The following SCNN1D variants were observed in gnomAD, a reference collection of about 807,000 sequenced individuals.
SCNN1D encodes epithelial sodium channel subunit delta.
Under a neutral mutation model 87.8 loss-of-function variants are expected in SCNN1D, and 104 were observed. That is an observed-to-expected ratio of 1.18 (90% confidence interval 1.01 to 1.39). SCNN1D has a LOEUF of 1.39. Among genes scored for constraint, SCNN1D ranks in the 40% most tolerant of loss-of-function variants. The probability of loss-of-function intolerance (pLI) is 0.00; values close to 1 mark genes in which losing one functional copy is unlikely to be tolerated. For missense variants in SCNN1D, 1,324 were observed against 1,093.9 expected (o/e 1.21, Z -2.97); for synonymous variants, 628 against 481.2 (o/e 1.31, Z -3.99).
At chr1:1,287,371 C>A in intron 9 of SCNN1D, 72 bp downstream of exon 9, 1 of 1,495,810 alleles carries the variant, frequency 6.7e-7, no homozygotes. Context: ...TGGGGTCCCT[C>A]TGGCTGTATG....
chr1:1,285,553 G>T lies in SCNN1D; in HGVS notation c.465-18G>T, dbSNP rs781255209. 5 of 1,494,708 alleles carry T rather than the reference G, an allele frequency of 3.3e-6. No homozygotes were observed. The Admixed American group carries it at 7.0e-5, about 21-fold the overall frequency. 92.6% of individuals were successfully genotyped at this position (1,494,708 alleles called of 1,614,324 possible). On this transcript the variant is annotated intron_variant, in intron 5 of 17. Transcript: ENST00000379116. The stretch of plus-strand genomic sequence containing the variant: ...ACGCGGGGCGCATGGACACGCTACC[G>T]TACTTGCCTTTGGGTAGATCGCCTG...
In SCNN1D at chr1:1,286,119, C is replaced by T. The variant is rs761293648; in HGVS notation, c.752C>T (p.Ser251Phe). ...CSRGNRLKTTSWGLLSLGALV... is the reference protein window; with the variant it reads ...CSRGNRLKTTFWGLLSLGALV... Reference sequence around the variant, plus strand: ...CGCGGGAACCGCCTCAAGACGACGTCCTGGGGGCTGCTGTCCCTGGGAGCC... The same window carrying T: ...CGCGGGAACCGCCTCAAGACGACGTTCTGGGGGCTGCTGTCCCTGGGAGCC... Residue 251 changes from serine (S) to phenylalanine (F), a missense_variant, in exon 7 of 18, where the codon TCC (serine) becomes TTC (phenylalanine). By Grantham distance (155) the Ser-to-Phe change is radical. Transcript: ENST00000379116. 6 of 1,610,706 alleles carry T rather than the reference C, an allele frequency of 3.7e-6. No individual in the cohort carries two copies. The highest frequency in any genetic ancestry group is 2.2e-5 in the East Asian group (1 of 44,830).
Position 1,282,329 on chromosome 1 carries a change from C to A in SCNN1D, c.351+14C>A, listed in dbSNP as rs1003573735. ...CAGAGCCGGCAGGCAGGTGACCTCA[C>A]CCTCCTCAGAGCCATGGCTCTGCTG... On this transcript the variant is annotated intron_variant, in intron 4 of 17. Transcript: ENST00000379116. The A allele has an allele frequency of 6.5e-7, 1 of 1,549,948 alleles. No individual in the cohort carries two copies.
intron 4 of SCNN1D, among the ~76,000 whole-genome samples, chr1:1,283,192 C>G (rs1237077272): frequency 6.6e-6 from 1 of 152,192 alleles, no homozygotes; most frequent in Non-Finnish European, 1.5e-5. Context: ...GGGCGAGCCC[C>G]TGTGCCTACT....
In SCNN1D at chr1:1,291,499, G is replaced by A. The variant is rs374792621; in HGVS notation, c.2298G>A (p.Pro766=). 247 of 1,609,068 alleles carry A rather than the reference G, an allele frequency of 1.5e-4. No individual in the cohort carries two copies. The highest frequency in any genetic ancestry group is 9.9e-4 in the Middle Eastern group (6 of 6,046). Residue 766 remains proline (P), a synonymous_variant, in exon 18 of 18, where the codon CCG becomes CCA. Transcript: ENST00000379116. ...CTGCAGGCGGCACGTCAGATGACCC[G>A]GAGCCCAGCGGGCCTCATCTCCCAC... ...PPPAGGTSDD[P]EPSGPHLPRV...
chr1:1,290,378 C>A lies in SCNN1D; in HGVS notation c.1770C>A (p.His590Gln). ...CTGAGTACTGCAGCTCTGCCCGGCA[C>A]CCTGCCTGGGGTGAGTCCTGCTCGC... ...AGAEYCSSAR[H>Q]PAWGHCFYRL... Residue 590 changes from histidine (H) to glutamine (Q), a missense_variant, in exon 13 of 18, where the codon CAC becomes CAA. Transcript: ENST00000379116. 1 of 1,602,362 alleles carries A rather than the reference C, an allele frequency of 6.2e-7. No individual in the cohort carries two copies. Among genetic ancestry groups the A allele is most frequent in the Non-Finnish European group, 8.5e-7 (1 of 1,173,268 alleles).
intron 2 of SCNN1D, 28 bp from the exon 3 acceptor site, chr1:1,281,383 A>G (rs1640467601): frequency 3.9e-6 from 6 of 1,528,992 alleles, no homozygotes; most frequent in Non-Finnish European, 4.4e-6. Flanking sequence ...GGAGCCAGGG[A>G]TGCCTGCCCG....
chr1:1,281,290 C>T lies in SCNN1D; in HGVS notation c.70C>T (p.Pro24Ser), dbSNP rs1271337962. The T allele has an allele frequency of 2.6e-6, 4 of 1,535,784 alleles. No individual in the cohort carries two copies. The East Asian group carries it at 7.3e-5, about 28-fold the overall frequency. Residue 24 changes from proline to serine, a missense_variant, in exon 2 of 18, where the codon CCA (proline) becomes TCA (serine). Physicochemically the swap from Pro to Ser is moderately conservative, Grantham distance 74. Coordinates refer to ENST00000379116, the MANE Select transcript of SCNN1D (RefSeq NM_001130413.4). ...CCTGTGGCCCGGCCACCTCAGCGGC[C>T]CAAGGAGGTGAGCTCACAGCCATGC... ...RYLWPGHLSG[P>S]RRLTWSWCSD...
At chr1:1,285,840 C>T in intron 6 of SCNN1D, 86 bp from the exon 7 acceptor site, 1 of 1,377,996 alleles carries the variant, frequency 7.3e-7, no homozygotes, top group Non-Finnish European at 9.8e-7. Context: ...GGGCGGGGCA[C>T]TGGTGGCTGA....
intron 4 of SCNN1D, 50 bp from the exon 5 acceptor site, chr1:1,283,928 C>T (rs1383297219): frequency 1.7e-6 from 2 of 1,153,136 alleles, no homozygotes; most frequent in Non-Finnish European, 2.3e-6. Context: ...TGGCTGGGTC[C>T]TCCCTCGCCT....
chr1:1,290,860 G>T, intron 15 of SCNN1D, 35 bp from the exon 16 acceptor site: 3 of 1,606,088 alleles, frequency 1.9e-6, no homozygotes, highest in African/African-American at 1.3e-5. Flanking sequence ...GGGGGCATGG[G>T]GGAGCCGTGG....
rs757615020 is a variant in SCNN1D, at chr1:1,285,951, C to A, written c.584C>A (p.Pro195Gln). 6.4e-7 allele frequency: 1 copy of A among 1,555,874 alleles called. No individual in the cohort carries two copies. The highest frequency in any genetic ancestry group is 8.7e-7 in the Non-Finnish European group (1 of 1,148,244). Residue 195 changes from proline to glutamine, a missense_variant, in exon 7 of 18, where the codon CCG becomes CAG. Physicochemically the swap from Pro to Gln is moderately conservative, Grantham distance 76 (BLOSUM62 -1). Coordinates refer to ENST00000379116, the MANE Select transcript of SCNN1D (RefSeq NM_001130413.4). ...GCTGCAGCCCAGACGCCCCCCAGGC[C>A]GGGGCCACCATCAGCACCACCACCA... ...GQAAAQTPPR[P>Q]GPPSAPPPPP...
chr1:1,281,352 A>G (rs1380095212), intron 2 of SCNN1D, 55 bp downstream of exon 2: 11 of 1,534,366 alleles, frequency 7.2e-6, no homozygotes, highest in Non-Finnish European at 9.6e-6. Context: ...CCTGGGAGAG[A>G]GCAGAGGCAT....
Position 1,291,268 on chromosome 1 carries a change from C to A in SCNN1D, c.2067C>A (p.Leu689=). 6.4e-7 allele frequency: 1 copy of A among 1,561,852 alleles called. No individual in the cohort carries two copies. The highest frequency in any genetic ancestry group is 2.3e-5 in the East Asian group (1 of 43,424). The change falls in exon 18 of 18, where the codon CTC becomes CTA. Residue 689 remains leucine, a synonymous_variant. Coordinates refer to ENST00000379116, the MANE Select transcript of SCNN1D (RefSeq NM_001130413.4). The part of the protein sequence containing the change: ...EAPVYSVPQL[L]SAMGSLCSLW... ...CCCACCCGCAGGTGCCGCAGCTGCT[C>A]TCGGCCATGGGCAGCCTCTGCAGCC...
Position 1,290,703 on chromosome 1 carries a change from C to T in SCNN1D, c.1917+9C>T, listed in dbSNP as rs373067473. The T allele has an allele frequency of 3.7e-6, 6 of 1,612,556 alleles. No individual in the cohort carries two copies. Among genetic ancestry groups the T allele is most frequent in the East Asian group, 2.2e-5 (1 of 44,878 alleles). Reference sequence around the variant, plus strand: ...CTTCCGCCAAGTCAGCTGTGAGTCCCCAAAGTGGTGGGGTGGGGGTGTGGA... The same window carrying T: ...CTTCCGCCAAGTCAGCTGTGAGTCCTCAAAGTGGTGGGGTGGGGGTGTGGA... On this transcript the variant is annotated intron_variant, in intron 15 of 17. Transcript: ENST00000379116.
At position 1,287,957 on chromosome 1, in the gene SCNN1D, G is replaced by A. The variant is rs770027731; in HGVS notation, c.1582G>A (p.Gly528Arg). The A allele has an allele frequency of 2.5e-5, 38 of 1,544,972 alleles. No individual in the cohort carries two copies. Among genetic ancestry groups the A allele is most frequent in the Admixed American group, 2.4e-4 (12 of 50,678 alleles). The change falls in exon 12 of 18, where the codon GGG becomes AGG. Residue 528 changes from glycine to arginine, a missense_variant. Coordinates refer to ENST00000379116, the MANE Select transcript of SCNN1D (RefSeq NM_001130413.4). ...SIREDEVHRL[G>R]SPYGHCTAGG... ...CTCCCAGGACGAGGTGCACCGGCTCGGGAGCCCCTACGGCCACTGCACCGC... is the reference window on the plus strand; with the variant it reads ...CTCCCAGGACGAGGTGCACCGGCTCAGGAGCCCCTACGGCCACTGCACCGC...
intron 1 of SCNN1D, 67 bp downstream of exon 1, chr1:1,280,733 C>T (rs949766016): frequency 2.9e-6 from 2 of 696,412 alleles, no homozygotes; most frequent in African/African-American, 1.7e-5. Context: ...ATGCCCATGG[C>T]TAAGACCAGG....
Position 1,285,992 on chromosome 1 carries a change from C to A in SCNN1D, c.625C>A (p.His209Asn). The A allele has an allele frequency of 6.4e-7, 1 of 1,559,878 alleles. No individual in the cohort carries two copies. The highest frequency in any genetic ancestry group is 8.7e-7 in the Non-Finnish European group (1 of 1,151,458). Reference protein sequence around the residue: ...SAPPPPPKEGHQEGLVELPAS... With the variant: ...SAPPPPPKEGNQEGLVELPAS... ...ACCACCACCACCACCCAAGGAGGGG[C>A]ACCAGGAGGGGCTGGTGGAGCTGCC... The change falls in exon 7 of 18, where the codon CAC (histidine) becomes AAC (asparagine). Residue 209 changes from histidine (H) to asparagine (N), a missense_variant. His to Asn is a moderately conservative substitution (Grantham distance 68). Coordinates refer to ENST00000379116, the MANE Select transcript of SCNN1D (RefSeq NM_001130413.4).
chr1:1,291,591 T>G lies in SCNN1D; in HGVS notation c.2390T>G (p.Leu797Arg). ...AEESWAGPQP[L>R]ETLDT is the part of the protein sequence containing the mutation. Reference sequence around the variant, plus strand: ...GAGAGCTGGGCTGGGCCCCAGCCCCTTGAGACTCTGGACACCTGAACCAGA... The same window carrying G: ...GAGAGCTGGGCTGGGCCCCAGCCCCGTGAGACTCTGGACACCTGAACCAGA... The change falls in exon 18 of 18, where the codon CTT (leucine) becomes CGT (arginine). Residue 797 changes from leucine (L) to arginine (R), a missense_variant. Leu to Arg is a moderately radical substitution (Grantham distance 102). Coordinates refer to ENST00000379116, the MANE Select transcript of SCNN1D (RefSeq NM_001130413.4). The G allele has an allele frequency of 6.5e-7, 1 of 1,544,732 alleles. No homozygotes were observed. The highest frequency in any genetic ancestry group is 1.4e-5 in the African/African-American group (1 of 72,628).
Sources: gnomAD v4.1 joint callset for allele counts (sites outside exome capture counted in the v4.1 genomes callset) on GRCh38, gnomAD v4.1.1 for gene constraint, MANE v1.5 for transcripts, NCBI Gene and HGNC (gene_info 2026-07-23, HGNC 2026-07-21) for gene names.